Variants in EXOC2 observed in about 807,000 individuals in gnomAD.
EXOC2 encodes the protein exocyst complex component 2.
In EXOC2, 70 loss-of-function variants were observed where a neutral mutation model predicts 131.8. That is an observed-to-expected ratio of 0.53 (90% confidence interval 0.44 to 0.65). The LOEUF (loss-of-function observed/expected upper bound fraction) is 0.65. EXOC2 is among the 30% of genes least tolerant of loss of function. The pLI, the probability that EXOC2 is intolerant of heterozygous loss-of-function variation, is 0.00. For missense variants in EXOC2, 923 were observed against 1,108.6 expected (o/e 0.83, Z 2.38); for synonymous variants, 411 against 398.4 (o/e 1.03, Z -0.38).
At chr6:545,900 TTAAA>T (rs1756825732) in intron 22 of EXOC2, among the ~76,000 whole-genome samples, 1 of 152,160 alleles carries the variant, frequency 6.6e-6, no homozygotes, top group Non-Finnish European at 1.5e-5. Flanking sequence ...TACAAAAATA[TTAAA>T]TAAAAATGGA....
intron 13 of EXOC2, among the ~76,000 whole-genome samples, chr6:568,494 T>A (rs1758097871): frequency 6.6e-6 from 1 of 152,230 alleles, no homozygotes; most frequent in Non-Finnish European, 1.5e-5. Context: ...TCAGTCTCCA[T>A]AATGACATGT....
intron 25 of EXOC2, among the ~76,000 whole-genome samples, chr6:492,954 T>C (rs1349782805): frequency 2.6e-5 from 4 of 152,246 alleles, no homozygotes; most frequent in Non-Finnish European, 4.4e-5. Context: ...CTTTCACTTC[T>C]ACGCAAGCAT....
chr6:490,253 A>T (rs1327666439), intron 26 of EXOC2, among the ~76,000 whole-genome samples: 2 of 152,200 alleles, frequency 1.3e-5, no homozygotes, highest in African/African-American at 4.8e-5. Context: ...TGAGTACCTT[A>T]TACTCTAAAA....
chr6:573,684 A>G (rs922189647), intron 12 of EXOC2, among the ~76,000 whole-genome samples: 22 of 150,142 alleles, frequency 1.5e-4, no homozygotes, highest in African/African-American at 5.4e-4. Context: ...TTTTATTAAG[A>G]AATTTTATTA....
intron 16 of EXOC2, among the ~76,000 whole-genome samples, chr6:563,330 G>A (rs1257754537): frequency 6.6e-6 from 1 of 152,188 alleles, no homozygotes; most frequent in Non-Finnish European, 1.5e-5. Context: ...GTTCCTAGGT[G>A]AGGAGGAGGT....
At chr6:509,415 T>C (rs1305725547) in intron 23 of EXOC2, among the ~76,000 whole-genome samples, 1 of 152,208 alleles carries the variant, frequency 6.6e-6, no homozygotes, top group East Asian at 1.9e-4. Flanking sequence ...AGAATTATAC[T>C]CCTATTTCTT....
chr6:656,357 C>T, intron 1 of EXOC2: 1 of 1,614,216 alleles, frequency 6.2e-7, no homozygotes, highest in Non-Finnish European at 8.5e-7. Flanking sequence ...TGGACACCAC[C>T]TCCGTCTCTA....
rs1482204138 is a variant in EXOC2 at position 566,914 on chromosome 6, G to A, written c.1444-1985C>T. Among the ~76,000 whole-genome samples the A allele has an allele frequency of 3.9e-5, 6 of 152,026 alleles. 1 individual carries two copies. Among genetic ancestry groups the A allele is most frequent in the Admixed American group, 2.6e-4 (4 of 15,270 alleles). On this transcript the variant is annotated intron_variant, in intron 13 of 27. Transcript: ENST00000230449. ...CTTAGGTCTTTCTGGCTTGGCATACGGCACTCCTGCTCAGGAGCCCACTGC... is the reference window on the plus strand; with the variant it reads ...CTTAGGTCTTTCTGGCTTGGCATACAGCACTCCTGCTCAGGAGCCCACTGC...
chr6:582,422 TCTCAGAAGGGTGGCCGACTTC>T (rs898316606), intron 11 of EXOC2, among the ~76,000 whole-genome samples: 1 of 151,074 alleles, frequency 6.6e-6, no homozygotes, highest in African/African-American at 2.4e-5. Flanking sequence ...AGCCTCAGAC[TCTCAGAAGGGTGGCCGACTTC>T]CTCATGGCCC....
chr6:687,593 G>GA (rs35929304), intron 1 of EXOC2, among the ~76,000 whole-genome samples: 21,744 of 152,062 alleles, frequency 0.14, 1,718 homozygotes, highest in African/African-American at 0.21. Flanking sequence ...CTATACCCCA[G>GA]AAAAACAGAA....
intron 1 of EXOC2, among the ~76,000 whole-genome samples, chr6:652,265 A>G (rs1300491982): frequency 1.3e-5 from 2 of 152,228 alleles, no homozygotes; most frequent in African/African-American, 4.8e-5. Flanking sequence ...TATAACTTTA[A>G]TAGCATTAAA....
In EXOC2 at chr6:506,559, G is replaced by T. The variant is rs1764547123; in HGVS notation, c.2381-6859C>A. On this transcript the variant is annotated intron_variant, in intron 23 of 27. Coordinates refer to ENST00000230449, the MANE Select transcript of EXOC2 (RefSeq NM_018303.6). This position sits in a 1 kb window ranked among gnomAD's most constrained non-coding sequence, Gnocchi z 4.4. ...CCATGTTGTTCAAGCGAGGGAATGA[G>T]AAACAGTTTCTAAGCATTTACAACA... is the stretch of plus-strand genomic sequence containing the variant. Among the ~76,000 whole-genome samples the T allele has an allele frequency of 6.6e-6, 1 of 152,192 alleles. No individual in the cohort carries two copies. Among genetic ancestry groups the T allele is most frequent in the Non-Finnish European group, 1.5e-5 (1 of 68,040 alleles).
At chr6:622,480 C>G (rs1581575918) in intron 4 of EXOC2, among the ~76,000 whole-genome samples, 2 of 152,274 alleles carry the variant, frequency 1.3e-5, no homozygotes, top group East Asian at 1.9e-4. Flanking sequence ...CATAATCGAA[C>G]AGGGAATGAA....
At chr6:682,840 T>C (rs893460828) in intron 1 of EXOC2, among the ~76,000 whole-genome samples, 4 of 152,196 alleles carry the variant, frequency 2.6e-5, no homozygotes, top group African/African-American at 7.2e-5. Flanking sequence ...TAACTGTGCT[T>C]CAGAATTCCT....
chr6:685,199 G>GCA (rs747130888), intron 1 of EXOC2, among the ~76,000 whole-genome samples: 36 of 151,986 alleles, frequency 2.4e-4, no homozygotes, highest in Non-Finnish European at 4.3e-4. Flanking sequence ...CAACCTGGCA[G>GCA]CACTGGCATC....
In EXOC2 at chr6:656,360, C is replaced by T. The variant is rs201854225; in HGVS notation, c.-43-18499G>A. The T allele has an allele frequency of 5.0e-5, 80 of 1,614,202 alleles. 1 individual carries two copies. In the East Asian group the frequency reaches 1.3e-3, roughly 26 times the overall value. On this transcript the variant is annotated intron_variant, in intron 1 of 27. Transcript: ENST00000230449. Reference sequence around the variant, plus strand: ...AATAACTTTGAATGGACACCACCTCCGTCTCTATACTCAGGGTCATCCTGC... The same window carrying T: ...AATAACTTTGAATGGACACCACCTCTGTCTCTATACTCAGGGTCATCCTGC...
intron 6 of EXOC2, among the ~76,000 whole-genome samples, chr6:614,441 T>C (rs766788792): frequency 2.0e-5 from 3 of 152,210 alleles, no homozygotes; most frequent in African/African-American, 4.8e-5. Context: ...GGAAGCTCCA[T>C]GGATGAAAAT....
At position 580,908 on chromosome 6, in the gene EXOC2, T is replaced by G. The variant is rs375895421; in HGVS notation, c.1193-4026A>C. 9.8e-4 allele frequency among the ~76,000 whole-genome samples: 149 copies of G among 152,280 alleles called. 2 individuals are homozygous for G. Among genetic ancestry groups the G allele is most frequent in the African/African-American group, 3.6e-3 (148 of 41,556 alleles). The stretch of plus-strand genomic sequence containing the variant: ...TGATCAGTGGTGGTGTCGTTTTAAA[T>G]GTATAAAAAGTTTGCCTCTACACAT... On this transcript the variant is annotated intron_variant, in intron 11 of 27. Coordinates refer to ENST00000230449, the MANE Select transcript of EXOC2 (RefSeq NM_018303.6).
intron 1 of EXOC2, among the ~76,000 whole-genome samples, chr6:646,933 G>C (rs573227855): frequency 4.9e-4 from 75 of 152,158 alleles, no homozygotes; most frequent in Non-Finnish European, 9.0e-4. Context: ...TTCAACAACT[G>C]CTTCAATAAA....
Sources: allele counts gnomAD v4.1 joint callset (sites outside exome capture counted in the v4.1 genomes callset), GRCh38; gene constraint gnomAD v4.1.1; non-coding constraint Gnocchi (gnomAD v3.1); transcripts MANE v1.5; gene names NCBI Gene and HGNC (gene_info 2026-07-23, HGNC 2026-07-21).